The following SLCO6A1 variants were observed in gnomAD, a reference collection of about 807,000 sequenced individuals.
The protein encoded by SLCO6A1 is solute carrier organic anion transporter family member 6A1.
A neutral mutation model predicts 72.7 loss-of-function variants in SLCO6A1; 65 were observed. The ratio of observed to expected loss-of-function variants is 0.89; its 90% CI spans 0.73 to 1.10. SLCO6A1 has a LOEUF of 1.10. Ranked by LOEUF, SLCO6A1 falls within the 50% of genes least tolerant of loss-of-function variation. SLCO6A1 has a pLI of 0.00. For synonymous variants in SLCO6A1, 314 were observed against 298.2 expected, an observed-to-expected ratio of 1.05 and a Z score of -0.55; for missense variants, 874 against 872.6, an observed-to-expected ratio of 1.00 and a Z score of -0.02.
chr5:102,434,645 G>A (rs975588634), intron 7 of SLCO6A1, among the ~76,000 whole-genome samples: 1 of 152,166 alleles, frequency 6.6e-6, no homozygotes, highest in Admixed American at 6.5e-5. Flanking sequence ...TGGCAACAAC[G>A]ATGGGATGCT....
intron 9 of SLCO6A1, among the ~76,000 whole-genome samples, chr5:102,407,860 T>C (rs1389498878): frequency 1.3e-5 from 2 of 152,140 alleles, no homozygotes; most frequent in Non-Finnish European, 2.9e-5. Context: ...AAGTGAACTC[T>C]TTCCAAGGCC....
intron 8 of SLCO6A1, among the ~76,000 whole-genome samples, chr5:102,414,572 A>AT (rs1451326252): frequency 6.6e-6 from 1 of 152,142 alleles, no homozygotes; most frequent in Non-Finnish European, 1.5e-5. Context: ...AATTAGTAAC[A>AT]TTTTTATACA....
At chr5:102,476,837 C>T (rs184203871) in intron 3 of SLCO6A1, among the ~76,000 whole-genome samples, 17 of 151,990 alleles carry the variant, frequency 1.1e-4, no homozygotes, top group African/African-American at 2.9e-4. Flanking sequence ...AATACACCTT[C>T]GCAATAAGTA....
At position 102,419,935 on chromosome 5, in the gene SLCO6A1, T is replaced by C. The variant is rs376407861; in HGVS notation, c.1363A>G (p.Met455Val). ...ACAGATGTAACCATTATAAATCTCATAAGGGCTTTACAAGACATTTCTAAT... is the reference window on the plus strand; with the variant it reads ...ACAGATGTAACCATTATAAATCTCACAAGGGCTTTACAAGACATTTCTAAT... ...STLEMSCKAL[M>V]RFIMVTSVIS... is the part of the protein sequence containing the mutation. The change falls in exon 8 of 14, where the codon ATG becomes GTG. Residue 455 changes from methionine to valine, a missense_variant. Physicochemically the swap from Met to Val is conservative, Grantham distance 21 (BLOSUM62 1). Transcript: ENST00000506729. 2 of 1,609,400 alleles carry C rather than the reference T, an allele frequency of 1.2e-6. No individual in the cohort carries two copies. The highest frequency in any genetic ancestry group is 2.7e-5 in the African/African-American group (2 of 74,646).
At chr5:102,437,040 A>C (rs1272546070) in intron 7 of SLCO6A1, among the ~76,000 whole-genome samples, 1 of 152,170 alleles carries the variant, frequency 6.6e-6, no homozygotes, top group Non-Finnish European at 1.5e-5. Flanking sequence ...ACACTCAGTT[A>C]CTCAAGGGAG....
chr5:102,489,584 A>G (rs1752586127), intron 1 of SLCO6A1, among the ~76,000 whole-genome samples: 1 of 152,198 alleles, frequency 6.6e-6, no homozygotes, highest in Non-Finnish European at 1.5e-5. Flanking sequence ...GGCTGTTATC[A>G]AAAAGACAGA....
intron 1 of SLCO6A1, among the ~76,000 whole-genome samples, chr5:102,493,750 G>T (rs2112869199): frequency 6.6e-6 from 1 of 152,168 alleles, no homozygotes; most frequent in African/African-American, 2.4e-5. Context: ...ATCCTAAGGA[G>T]TCTGCAAAAA....
At chr5:102,448,996 A>G (rs1324934653) in intron 6 of SLCO6A1, among the ~76,000 whole-genome samples, 1 of 152,102 alleles carries the variant, frequency 6.6e-6, no homozygotes, top group Non-Finnish European at 1.5e-5. Context: ...TGTGGTGGTC[A>G]GTAATGGTGT....
At position 102,475,695 on chromosome 5, in the gene SLCO6A1, A is replaced by G; in HGVS notation, c.899+2T>C. The G allele has an allele frequency of 6.3e-7, 1 of 1,589,420 alleles. No individual in the cohort carries two copies. The highest frequency in any genetic ancestry group is 8.6e-7 in the Non-Finnish European group (1 of 1,168,000). Reference sequence around the variant, plus strand: ...ACAAAAAAAGAAAAAATAATGCCTTACTTTGTTGCAGAAGTAGTATTCTCA... The same window carrying G: ...ACAAAAAAAGAAAAAATAATGCCTTGCTTTGTTGCAGAAGTAGTATTCTCA... On this transcript the variant is annotated splice_donor_variant, in intron 4 of 13. Coordinates refer to ENST00000506729, the MANE Select transcript of SLCO6A1 (RefSeq NM_173488.5). LOFTEE classifies it high-confidence loss of function.
At chr5:102,384,952 A>G (rs1244421439) in intron 12 of SLCO6A1, among the ~76,000 whole-genome samples, 1 of 152,184 alleles carries the variant, frequency 6.6e-6, no homozygotes, top group African/African-American at 2.4e-5. Flanking sequence ...GTGTGGGAGC[A>G]GGCCTAAGCA....
intron 11 of SLCO6A1, among the ~76,000 whole-genome samples, chr5:102,390,498 T>C (rs1446484816): frequency 4.6e-5 from 7 of 152,192 alleles, no homozygotes; most frequent in Non-Finnish European, 8.8e-5. Context: ...ATTTGAAATC[T>C]AGTTTTTGCT....
At chr5:102,481,632 G>A (rs1752199342) in intron 1 of SLCO6A1, among the ~76,000 whole-genome samples, 1 of 152,016 alleles carries the variant, frequency 6.6e-6, no homozygotes, top group Non-Finnish European at 1.5e-5. Flanking sequence ...AGACTACTTG[G>A]TATACATTTT....
chr5:102,463,742 C>A (rs1306809340), intron 4 of SLCO6A1, among the ~76,000 whole-genome samples: 2 of 152,004 alleles, frequency 1.3e-5, no homozygotes, highest in Non-Finnish European at 2.9e-5. Flanking sequence ...CAAAATTAGC[C>A]GGGCGTGATG....
At chr5:102,412,323 A>T (rs970174957) in intron 9 of SLCO6A1, among the ~76,000 whole-genome samples, 20 of 152,182 alleles carry the variant, frequency 1.3e-4, no homozygotes, top group African/African-American at 4.8e-4. Context: ...AAGGTGTCAC[A>T]GGCCATGGTC....
rs541483457 is a variant in SLCO6A1, at chr5:102,430,763, T to C, written c.1276+7854A>G. Among the ~76,000 whole-genome samples, 18 of 152,212 alleles carry C rather than the reference T, an allele frequency of 1.2e-4. No homozygotes were observed. The South Asian group carries it at 2.9e-3, about 25-fold the overall frequency. On this transcript the variant is annotated intron_variant, in intron 7 of 13. Transcript: ENST00000506729. Reference sequence around the variant, plus strand: ...ATATTGGCCTGAATTTTTGTTTTTTTGTTGGTCTCTTCCAGGTTTTGGTAT... The same window carrying C: ...ATATTGGCCTGAATTTTTGTTTTTTCGTTGGTCTCTTCCAGGTTTTGGTAT...
At chr5:102,419,319 TC>T (rs1412180900) in intron 8 of SLCO6A1, among the ~76,000 whole-genome samples, 1 of 152,226 alleles carries the variant, frequency 6.6e-6, no homozygotes, top group East Asian at 1.9e-4. Context: ...TTTTACTTGT[TC>T]AGTCCTTTGG....
intron 12 of SLCO6A1, 69 bp from the exon 13 acceptor site, chr5:102,373,563 A>G: frequency 3.5e-6 from 4 of 1,144,924 alleles, no homozygotes; most frequent in Non-Finnish European, 4.6e-6. Flanking sequence ...CAAAAATGCT[A>G]TTTACCAAAG....
chr5:102,475,655 T>G (rs1287395965), intron 4 of SLCO6A1, 42 bp downstream of exon 4: 1 of 1,355,412 alleles, frequency 7.4e-7, no homozygotes, highest in Admixed American at 2.0e-5. Context: ...TTAGTAAGTA[T>G]TTTATACAAT....
intron 4 of SLCO6A1, among the ~76,000 whole-genome samples, chr5:102,461,419 T>C (rs1185799626): frequency 6.6e-6 from 1 of 152,020 alleles, no homozygotes; most frequent in East Asian, 1.9e-4. Flanking sequence ...AACCTGAGAG[T>C]ATAAAATTTA....
Sources: allele counts gnomAD v4.1 joint callset (sites outside exome capture counted in the v4.1 genomes callset), GRCh38; gene constraint gnomAD v4.1.1; transcripts MANE v1.5; gene names NCBI Gene and HGNC (gene_info 2026-07-23, HGNC 2026-07-21).